TENM2: variants seen among roughly 807,000 people sequenced by gnomAD.
TENM2 encodes the protein teneurin-2.
In TENM2, 52 loss-of-function variants were observed where a neutral mutation model predicts 245.2. That is an observed-to-expected ratio of 0.21 (90% confidence interval 0.17 to 0.27). The LOEUF is 0.27. Ranked by LOEUF, TENM2 falls within the 10% of genes least tolerant of loss-of-function variation. TENM2 has a pLI of 1.00. For missense variants in TENM2, 3,046 were observed against 3,666.8 expected (o/e 0.83, Z 4.37); for synonymous variants, 1,363 against 1,438.9 (o/e 0.95, Z 1.19).
chr5:167,003,075 T>A, the TENM2 span, among the ~76,000 whole-genome samples: 1 of 152,178 alleles, frequency 6.6e-6, no homozygotes, highest in Non-Finnish European at 1.5e-5. Flanking sequence ...TGACTTATTG[T>A]TAGGCTAAAA....
At chr5:167,161,732 A>T in the TENM2 span, among the ~76,000 whole-genome samples, 8 of 152,216 alleles carry the variant, frequency 5.3e-5, no homozygotes, top group Non-Finnish European at 1.0e-4. Flanking sequence ...ATCTTGTTAA[A>T]TTGAAACACT....
the TENM2 span, among the ~76,000 whole-genome samples, chr5:167,147,997 A>C: frequency 6.6e-6 from 1 of 152,182 alleles, no homozygotes; most frequent in African/African-American, 2.4e-5. Flanking sequence ...ATGACTCACC[A>C]TGCCTGCCAC....
At chr5:167,053,431 A>T in the TENM2 span, among the ~76,000 whole-genome samples, 1 of 152,024 alleles carries the variant, frequency 6.6e-6, no homozygotes. Flanking sequence ...GTTGGAGCAG[A>T]TGTTTGTATG....
chr5:167,283,362 A>T (rs575696600), upstream of TENM2, among the ~76,000 whole-genome samples: 11 of 152,204 alleles, frequency 7.2e-5, no homozygotes, highest in African/African-American at 2.4e-4. Flanking sequence ...TTCATTGCCA[A>T]GTGTCAAACA....
intron 2 of TENM2, among the ~76,000 whole-genome samples, chr5:167,676,607 T>A (rs2150364120): frequency 6.6e-6 from 1 of 152,268 alleles, no homozygotes; most frequent in Non-Finnish European, 1.5e-5. Flanking sequence ...TTAAGGGGTT[T>A]CATTCACAGA....
intron 1 of TENM2, among the ~76,000 whole-genome samples, chr5:167,351,762 A>C (rs750943350): frequency 6.6e-6 from 1 of 152,134 alleles, no homozygotes; most frequent in African/African-American, 2.4e-5. Context: ...GCTGGCCCCA[A>C]GTCATTATTT....
chr5:167,859,370 G>A (rs1312887679), intron 2 of TENM2, among the ~76,000 whole-genome samples: 4 of 149,062 alleles, frequency 2.7e-5, no homozygotes, highest in East Asian at 2.1e-4. Context: ...CCCCGTCCGG[G>A]AGGGAGGTGG....
chr5:167,297,774 G>A (rs1357969531), intron 1 of TENM2, among the ~76,000 whole-genome samples: 1 of 151,978 alleles, frequency 6.6e-6, no homozygotes, highest in Admixed American at 6.5e-5. Context: ...TAAGATTTGG[G>A]TAGGTAAAGG....
At chr5:167,827,755 A>T (rs778095465) in intron 2 of TENM2, among the ~76,000 whole-genome samples, 2 of 152,112 alleles carry the variant, frequency 1.3e-5, no homozygotes, top group Non-Finnish European at 2.9e-5. Flanking sequence ...TGAAAGAACT[A>T]TACAAAAAGT....
intron 1 of TENM2, among the ~76,000 whole-genome samples, chr5:167,324,477 C>T (rs570590076): frequency 3.7e-4 from 56 of 152,022 alleles, no homozygotes; most frequent in African/African-American, 1.3e-3. Context: ...AGCAAATACT[C>T]GGGGACATGA....
chr5:167,634,466 A>G (rs1561622078), intron 2 of TENM2, among the ~76,000 whole-genome samples: 1 of 143,670 alleles, frequency 7.0e-6, no homozygotes, highest in Non-Finnish European at 1.5e-5. Context: ...AAATATCTGA[A>G]GAACTTAACT....
chr5:167,547,044 A>G (rs1772605080), intron 2 of TENM2, among the ~76,000 whole-genome samples: 2 of 152,076 alleles, frequency 1.3e-5, no homozygotes, highest in African/African-American at 2.4e-5. Flanking sequence ...CTTGAAGTCC[A>G]CTTTTTTTGA....
chr5:168,199,865 T>C, exon 17 of TENM2: 1 of 1,613,414 alleles, frequency 6.2e-7, no homozygotes, highest in Middle Eastern at 1.7e-4. Context: ...CCTCTCCAGG[T>C]TCTTCATGAA....
chr5:167,815,342 A>C (rs192549857), intron 2 of TENM2, among the ~76,000 whole-genome samples: 1 of 152,300 alleles, frequency 6.6e-6, no homozygotes, highest in African/African-American at 2.4e-5. Context: ...AGATGATAGC[A>C]GCTCCTAGCT....
intron 2 of TENM2, among the ~76,000 whole-genome samples, chr5:167,771,640 A>G (rs1310138923): frequency 6.6e-6 from 1 of 152,188 alleles, no homozygotes; most frequent in Non-Finnish European, 1.5e-5. Context: ...CAACAGTCTC[A>G]TGACCAATCC....
chr5:167,829,924 A>G (rs1431506352), intron 2 of TENM2, among the ~76,000 whole-genome samples: 1 of 152,346 alleles, frequency 6.6e-6, no homozygotes, highest in East Asian at 1.9e-4. Flanking sequence ...GGGCTGATGA[A>G]TCCATATTGC....
chr5:168,191,951 T>A (rs1167561272), intron 14 of TENM2, among the ~76,000 whole-genome samples: 1 of 152,128 alleles, frequency 6.6e-6, no homozygotes, highest in Non-Finnish European at 1.5e-5. Context: ...CAAGGTCACC[T>A]TAGGCCAACA....
At chr5:167,641,974 C>A (rs1169587700) in intron 2 of TENM2, among the ~76,000 whole-genome samples, 3 of 151,776 alleles carry the variant, frequency 2.0e-5, no homozygotes, top group Non-Finnish European at 4.4e-5. Flanking sequence ...AACCCCGTTT[C>A]TACTAAAAAT....
chr5:167,849,483 G>C (rs541580687), intron 2 of TENM2, among the ~76,000 whole-genome samples: 37 of 152,214 alleles, frequency 2.4e-4, no homozygotes, highest in African/African-American at 8.4e-4. Flanking sequence ...CTGCCCACCA[G>C]CAACCAATCA....
Sources: allele counts gnomAD v4.1 joint callset (sites outside exome capture counted in the v4.1 genomes callset), GRCh38; gene constraint gnomAD v4.1.1; transcripts MANE v1.5; gene names NCBI Gene and HGNC (gene_info 2026-07-23, HGNC 2026-07-21).